Variants in RAPGEF4 observed in about 807,000 individuals in gnomAD.
The protein encoded by RAPGEF4 is Rap guanine nucleotide exchange factor 4.
A neutral mutation model predicts 147.9 loss-of-function variants in RAPGEF4; 66 were observed. The ratio of observed to expected loss-of-function variants is 0.45; its 90% CI spans 0.37 to 0.55. The LOEUF (loss-of-function observed/expected upper bound fraction) is 0.55. Ranked by LOEUF, RAPGEF4 falls within the 20% of genes least tolerant of loss-of-function variation. The pLI is 0.00. For missense variants in RAPGEF4, 1,071 were observed against 1,257.3 expected (o/e 0.85, Z 2.24); for synonymous variants, 419 against 442.7 (o/e 0.95, Z 0.67).
intron 1 of RAPGEF4, among the ~76,000 whole-genome samples, chr2:172,791,423 G>A (rs905414986): frequency 6.6e-6 from 1 of 152,184 alleles, no homozygotes; most frequent in Non-Finnish European, 1.5e-5. Flanking sequence ...GGAGGTCCCA[G>A]ACATGAACTC....
At chr2:172,964,119 A>C (rs936894036) in intron 8 of RAPGEF4, among the ~76,000 whole-genome samples, 3 of 152,200 alleles carry the variant, frequency 2.0e-5, no homozygotes, top group African/African-American at 7.2e-5. Flanking sequence ...ATCAATTCTC[A>C]AATTAGGAAA....
At chr2:172,924,251 C>G (rs943689581) in intron 6 of RAPGEF4, among the ~76,000 whole-genome samples, 13 of 152,154 alleles carry the variant, frequency 8.5e-5, no homozygotes, top group Non-Finnish European at 1.8e-4. Context: ...TCTTGGGCAC[C>G]CAGTGACCTT....
intron 29 of RAPGEF4, among the ~76,000 whole-genome samples, chr2:173,043,513 G>A (rs12105647): frequency 0.02 from 2,974 of 152,294 alleles, 98 homozygotes; most frequent in African/African-American, 0.067. Flanking sequence ...AGGGCCTGCC[G>A]GTCAGAACTT....
intron 4 of RAPGEF4, among the ~76,000 whole-genome samples, chr2:172,906,079 GT>G (rs151091157): frequency 0.025 from 3,761 of 152,282 alleles, 65 homozygotes; most frequent in Middle Eastern, 0.048. Context: ...GGAGCCATGT[GT>G]TGTGTCCATT....
At chr2:172,922,435 G>T in intron 6 of RAPGEF4, 135 bp downstream of exon 6, 3 of 876,136 alleles carry the variant, frequency 3.4e-6, no homozygotes, top group Non-Finnish European at 3.6e-6. Flanking sequence ...TCTCATTCTG[G>T]CATCTTTGGC....
intron 4 of RAPGEF4, among the ~76,000 whole-genome samples, chr2:172,911,783 T>C (rs1389569062): frequency 3.3e-5 from 3 of 91,980 alleles, no homozygotes; most frequent in East Asian, 8.2e-4. Flanking sequence ...TTTTTTTTTT[T>C]CATAAGAGAC....
At chr2:172,934,780 C>A (rs1459223504) in intron 6 of RAPGEF4, among the ~76,000 whole-genome samples, 1 of 152,096 alleles carries the variant, frequency 6.6e-6, no homozygotes, top group African/African-American at 2.4e-5. Context: ...CACCCCCTAC[C>A]CCAACATTCT....
chr2:172,922,154 G>A (rs1684835020), intron 5 of RAPGEF4, 127 bp from the exon 6 acceptor site: 3 of 867,158 alleles, frequency 3.5e-6, no homozygotes, highest in Non-Finnish European at 5.9e-6. Flanking sequence ...CATTATGTAA[G>A]TTTTCACGGA....
intron 4 of RAPGEF4, among the ~76,000 whole-genome samples, chr2:172,864,716 C>A (rs1348297805): frequency 6.6e-6 from 1 of 152,196 alleles, no homozygotes. Flanking sequence ...CTAGCCTGGC[C>A]AACATGGCAA....
intron 4 of RAPGEF4, among the ~76,000 whole-genome samples, chr2:172,903,651 C>T (rs955312986): frequency 2.0e-5 from 3 of 152,076 alleles, no homozygotes; most frequent in East Asian, 3.9e-4. Context: ...CTGTAGTTTA[C>T]ATTTTAGTGA....
At chr2:172,809,960 A>C (rs1687872491) in intron 3 of RAPGEF4, among the ~76,000 whole-genome samples, 1 of 152,222 alleles carries the variant, frequency 6.6e-6, no homozygotes, top group Non-Finnish European at 1.5e-5. Context: ...GAAGAGGAGC[A>C]ATGCCAAATG....
intron 3 of RAPGEF4, among the ~76,000 whole-genome samples, chr2:172,813,643 G>A (rs1050701670): frequency 2.6e-5 from 4 of 151,812 alleles, no homozygotes; most frequent in African/African-American, 9.7e-5. Context: ...GACAGACAGT[G>A]CCAGTTTCTT....
intron 4 of RAPGEF4, among the ~76,000 whole-genome samples, chr2:172,834,151 C>T (rs1015971869): frequency 1.3e-5 from 2 of 152,150 alleles, no homozygotes; most frequent in African/African-American, 4.8e-5. Flanking sequence ...ATGGCTTAGC[C>T]ATTGGCTGCA....
chr2:172,771,528 T>TC (rs1683602420), intron 1 of RAPGEF4, among the ~76,000 whole-genome samples: 3 of 152,156 alleles, frequency 2.0e-5, no homozygotes, highest in Admixed American at 2.0e-4. Flanking sequence ...TTGTGATTTT[T>TC]CCCCTAATAT....
At chr2:172,994,895 C>G (rs1252500430) in intron 15 of RAPGEF4, among the ~76,000 whole-genome samples, 1 of 152,030 alleles carries the variant, frequency 6.6e-6, no homozygotes, top group Non-Finnish European at 1.5e-5. Flanking sequence ...CTCCTCTAGG[C>G]TCCAAAGCCA....
At position 173,042,336 on chromosome 2, in the gene RAPGEF4, G is replaced by A. The variant is rs1348613487; in HGVS notation, c.2853+5644G>A. On this transcript the variant is annotated intron_variant, in intron 29 of 30. Coordinates refer to ENST00000397081, the MANE Select transcript of RAPGEF4 (RefSeq NM_007023.4). The surrounding 1 kb of genome is among the most constrained non-coding windows in gnomAD (Gnocchi z 4.2). ...TCCAAAAGTGTCTTCTATTTTATTA[G>A]AAAATTGGATGAATCAACTGGGCAC... Among the ~76,000 whole-genome samples, 1 of 152,158 alleles carries A rather than the reference G, an allele frequency of 6.6e-6. No individual in the cohort carries two copies. Among genetic ancestry groups the A allele is most frequent in the Non-Finnish European group, 1.5e-5 (1 of 68,026 alleles).
intron 6 of RAPGEF4, among the ~76,000 whole-genome samples, 195 bp downstream of exon 6, chr2:172,922,495 C>T (rs1464250513): frequency 6.6e-6 from 1 of 152,190 alleles, no homozygotes; most frequent in African/African-American, 2.4e-5. Context: ...CTGACATGGT[C>T]GTCACGTGTC....
intron 3 of RAPGEF4, among the ~76,000 whole-genome samples, chr2:172,803,154 T>G (rs768054758): frequency 6.6e-6 from 1 of 152,200 alleles, no homozygotes; most frequent in Non-Finnish European, 1.5e-5. Context: ...TTTTCACAGC[T>G]CCACTAGGGG....
chr2:172,833,353 G>A (rs1156863949), intron 4 of RAPGEF4, among the ~76,000 whole-genome samples: 1 of 150,340 alleles, frequency 6.7e-6, no homozygotes, highest in Non-Finnish European at 1.5e-5. Flanking sequence ...GGGGAAGAAC[G>A]CATTTTATGG....
Sources: allele counts gnomAD v4.1 joint callset (sites outside exome capture counted in the v4.1 genomes callset), GRCh38; gene constraint gnomAD v4.1.1; non-coding constraint Gnocchi (gnomAD v3.1); transcripts MANE v1.5; gene names NCBI Gene and HGNC (gene_info 2026-07-23, HGNC 2026-07-21).